The following UNC5C variants were observed in gnomAD, a reference collection of about 807,000 sequenced individuals.
UNC5C encodes the protein netrin receptor UNC5C.
A neutral mutation model predicts 99.8 loss-of-function variants in UNC5C; 47 were observed. The ratio of observed to expected loss-of-function variants is 0.47; its 90% CI spans 0.37 to 0.60. The LOEUF is 0.60. Ranked by LOEUF, UNC5C falls within the 20% of genes least tolerant of loss-of-function variation. The probability of loss-of-function intolerance (pLI) is 0.00; values close to 1 mark genes in which losing one functional copy is unlikely to be tolerated. For missense variants in UNC5C, 1,062 were observed against 1,165.9 expected, an observed-to-expected ratio of 0.91 and a Z score of 1.30; for synonymous variants, 487 against 452.2, an observed-to-expected ratio of 1.08 and a Z score of -0.98.
At chr4:95,510,878 T>G (rs114649428) in intron 1 of UNC5C, among the ~76,000 whole-genome samples, 1,606 of 152,304 alleles carry the variant, frequency 0.011, 10 homozygotes, top group African/African-American at 0.021. Context: ...CTTCTTTTAC[T>G]GGGCAGAACA....
intron 1 of UNC5C, among the ~76,000 whole-genome samples, chr4:95,352,778 TC>T (rs1476324107): frequency 1.3e-5 from 2 of 152,132 alleles, no homozygotes; most frequent in Admixed American, 1.3e-4. Flanking sequence ...CTCCTTTTCA[TC>T]ACCAGGACTC....
intron 1 of UNC5C, among the ~76,000 whole-genome samples, chr4:95,455,908 T>C (rs994837704): frequency 1.3e-5 from 2 of 152,116 alleles, no homozygotes; most frequent in Non-Finnish European, 2.9e-5. Context: ...TAAATTGCAA[T>C]TTTGGTTTGA....
At chr4:95,406,069 G>A (rs1745822553) in intron 1 of UNC5C, among the ~76,000 whole-genome samples, 1 of 152,082 alleles carries the variant, frequency 6.6e-6, no homozygotes, top group Non-Finnish European at 1.5e-5. Context: ...AATGTTAGGA[G>A]TTTTCCGTGG....
chr4:95,521,616 T>A (rs1722360814), intron 1 of UNC5C, among the ~76,000 whole-genome samples: 1 of 152,100 alleles, frequency 6.6e-6, no homozygotes, highest in Non-Finnish European at 1.5e-5. Context: ...CACATCCAAA[T>A]ACCAACACAT....
intron 12 of UNC5C, among the ~76,000 whole-genome samples, chr4:95,201,517 A>G (rs1737654698): frequency 6.6e-6 from 1 of 151,942 alleles, no homozygotes; most frequent in South Asian, 2.1e-4. Context: ...ACTGAATCTC[A>G]GCTCCTCTCT....
chr4:95,319,674 C>CG (rs1742607274), intron 2 of UNC5C, among the ~76,000 whole-genome samples: 1 of 152,082 alleles, frequency 6.6e-6, no homozygotes, highest in Non-Finnish European at 1.5e-5. Flanking sequence ...ATGGTAAACA[C>CG]GGGGGAAGAC....
intron 2 of UNC5C, among the ~76,000 whole-genome samples, chr4:95,305,219 G>T (rs1450609069): frequency 2.0e-5 from 3 of 152,092 alleles, no homozygotes; most frequent in Non-Finnish European, 4.4e-5. Flanking sequence ...AAGAACTGAA[G>T]CATGAAGTAT....
rs1179791346 is a variant in UNC5C, at chr4:95,198,796, T to C, written c.2136+3935A>G. 3.3e-5 allele frequency among the ~76,000 whole-genome samples: 5 copies of C among 152,160 alleles called. No individual in the cohort carries two copies. In the South Asian group the frequency reaches 6.2e-4, roughly 19 times the overall value. On this transcript the variant is annotated intron_variant, in intron 12 of 15. Transcript: ENST00000453304. ...GTGAGGTGTTACCAGGAAGATCCACTGGCAGTTAATGAGAGCAGGTGGAGC... is the reference window on the plus strand; with the variant it reads ...GTGAGGTGTTACCAGGAAGATCCACCGGCAGTTAATGAGAGCAGGTGGAGC...
chr4:95,547,233 AAAGG>A (rs1345121488), intron 1 of UNC5C, among the ~76,000 whole-genome samples: 3 of 151,964 alleles, frequency 2.0e-5, no homozygotes, highest in Non-Finnish European at 2.9e-5. Flanking sequence ...ATCTGGCGAG[AAAGG>A]AAGGAAGGAT....
Position 95,163,395 on chromosome 4 carries a change from T to C in UNC5C, c.*5839A>G, listed in dbSNP as rs946371626. ...AGCTCAGGTCCCCATTCTCTGATGC[T>C]GCCTCCATAGTGCTCAGGATCAGAG... is the stretch of plus-strand genomic sequence containing the variant. On this transcript the variant is annotated 3_prime_UTR_variant, in exon 16 of 16. Transcript: ENST00000453304. 6.6e-6 allele frequency: 1 copy of C among 152,212 alleles called. No individual in the cohort carries two copies. The highest frequency in any genetic ancestry group is 2.4e-5 in the African/African-American group (1 of 41,454). The allele number at this position is 152,212 out of a possible 1,614,324, so 9.4% of individuals were successfully genotyped here. A position where few individuals can be genotyped will look rare whatever the true frequency, so the allele number is the denominator to read the frequency against.
intron 1 of UNC5C, among the ~76,000 whole-genome samples, chr4:95,340,521 C>T (rs1743527222): frequency 6.6e-6 from 1 of 151,784 alleles, no homozygotes. Context: ...TTAAAATATC[C>T]TCAGGAAGAC....
intron 1 of UNC5C, among the ~76,000 whole-genome samples, chr4:95,390,180 T>C (rs1745317483): frequency 6.6e-6 from 1 of 152,080 alleles, no homozygotes; most frequent in South Asian, 2.1e-4. Flanking sequence ...CTGGGAGACA[T>C]GGGGTGTCTA....
intron 1 of UNC5C, among the ~76,000 whole-genome samples, chr4:95,369,198 T>TG (rs34219852): frequency 0.78 from 119,126 of 151,770 alleles, 47,689 homozygotes; most frequent in East Asian, 0.94. Context: ...AATCTCAATT[T>TG]GGTGCTAAAT....
intron 1 of UNC5C, among the ~76,000 whole-genome samples, chr4:95,490,952 G>C (rs1457882448): frequency 6.6e-6 from 1 of 151,610 alleles, no homozygotes; most frequent in African/African-American, 2.4e-5. Flanking sequence ...GCTAGACAGA[G>C]AGAACTTCTG....
At chr4:95,336,227 G>A (rs1743332589) in intron 1 of UNC5C, among the ~76,000 whole-genome samples, 1 of 151,736 alleles carries the variant, frequency 6.6e-6, no homozygotes. Flanking sequence ...TTTTAAACCT[G>A]GATTCTGCAT....
intron 5 of UNC5C, among the ~76,000 whole-genome samples, chr4:95,247,330 T>G (rs1739538754): frequency 6.6e-6 from 1 of 152,002 alleles, no homozygotes; most frequent in Non-Finnish European, 1.5e-5. Context: ...GGAGTTAATG[T>G]AAAGGACAAG....
chr4:95,303,195 GC>G (rs1741938116), intron 2 of UNC5C, among the ~76,000 whole-genome samples: 1 of 152,202 alleles, frequency 6.6e-6, no homozygotes, highest in East Asian at 1.9e-4. Context: ...TGAAAGTGTG[GC>G]CCCCAGAGCA....
chr4:95,430,522 T>A (rs1343141925), intron 1 of UNC5C, among the ~76,000 whole-genome samples: 1 of 152,158 alleles, frequency 6.6e-6, no homozygotes, highest in Non-Finnish European at 1.5e-5. Context: ...AATGGTGGAA[T>A]CTTCGACCAT....
intron 1 of UNC5C, among the ~76,000 whole-genome samples, chr4:95,512,680 A>G (rs1408727476): frequency 6.6e-6 from 1 of 152,182 alleles, no homozygotes; most frequent in Non-Finnish European, 1.5e-5. Context: ...TGGGGTTCAA[A>G]GATTTATTAT....
Sources: allele counts gnomAD v4.1 joint callset (sites outside exome capture counted in the v4.1 genomes callset), GRCh38; gene constraint gnomAD v4.1.1; transcripts MANE v1.5; gene names NCBI Gene and HGNC (gene_info 2026-07-23, HGNC 2026-07-21).